The following HS3ST5 variants were observed in gnomAD, a reference collection of about 807,000 sequenced individuals.
The protein encoded by HS3ST5 is heparan sulfate-glucosamine 3-sulfotransferase 5, also known as heparan sulfate glucosamine 3-O-sulfotransferase 5.
Under a neutral mutation model 25.4 loss-of-function variants are expected in HS3ST5, and 10 were observed. That is an observed-to-expected ratio of 0.39 (90% CI 0.24 to 0.67). The LOEUF (loss-of-function observed/expected upper bound fraction) is 0.67, where lower values mean the gene tolerates loss of function less well. Among genes scored for constraint, HS3ST5 ranks in the 30% least tolerant of loss-of-function variants. The pLI is 0.44. For missense variants in HS3ST5, 324 were observed against 420.7 expected, an observed-to-expected ratio of 0.77 and a Z score of 2.01; for synonymous variants, 170 against 162.4, an observed-to-expected ratio of 1.05 and a Z score of -0.36.
At chr6:114,322,188 C>A (rs182363973) in intron 1 of HS3ST5, among the ~76,000 whole-genome samples, 2 of 152,076 alleles carry the variant, frequency 1.3e-5, no homozygotes, top group African/African-American at 2.4e-5. Context: ...GTATTTCCTG[C>A]GCAACTGAAA....
chr6:114,105,799 A>G (rs917246325), intron 3 of HS3ST5, among the ~76,000 whole-genome samples: 1 of 152,202 alleles, frequency 6.6e-6, no homozygotes, highest in African/African-American at 2.4e-5. Context: ...ATAACTGGGC[A>G]TAACTCTTGT....
At chr6:114,153,837 G>A (rs1778572805) in intron 3 of HS3ST5, among the ~76,000 whole-genome samples, 1 of 152,180 alleles carries the variant, frequency 6.6e-6, no homozygotes, top group East Asian at 1.9e-4. Context: ...GCTGGGCATG[G>A]TGAGGCCCAT....
At chr6:114,145,290 T>A (rs1778103054) in intron 3 of HS3ST5, among the ~76,000 whole-genome samples, 1 of 152,198 alleles carries the variant, frequency 6.6e-6, no homozygotes, top group South Asian at 2.1e-4. Context: ...CACCTCACAC[T>A]GAAATTTCAT....
Position 114,167,384 on chromosome 6 carries a change from G to C in HS3ST5, c.-33+967C>G, listed in dbSNP as rs1266479553. 3.3e-5 allele frequency: 5 copies of C among 152,286 alleles called. No individual in the cohort carries two copies. In the South Asian group the frequency reaches 1.0e-3, roughly 32 times the overall value. 9.4% of individuals were successfully genotyped at this position (152,286 alleles called of 1,614,324 possible). A position where few individuals can be genotyped will look rare whatever the true frequency, so the allele number is the denominator to read the frequency against. On this transcript the variant is annotated intron_variant, in intron 3 of 4. Coordinates refer to ENST00000312719, the MANE Select transcript of HS3ST5 (RefSeq NM_153612.4). ...AAGATGGGATATTACTGTAGACACAGTAGTAAGTAGGCAATAATTTTGAGT... is the reference window on the plus strand; with the variant it reads ...AAGATGGGATATTACTGTAGACACACTAGTAAGTAGGCAATAATTTTGAGT...
intron 2 of HS3ST5, among the ~76,000 whole-genome samples, chr6:114,201,634 C>T (rs779177842): frequency 2.6e-5 from 4 of 152,118 alleles, no homozygotes; most frequent in East Asian, 3.9e-4. Flanking sequence ...TTTGCCTAAA[C>T]GTCAGCTTCT....
intron 3 of HS3ST5, among the ~76,000 whole-genome samples, chr6:114,144,148 G>A (rs972782815): frequency 6.6e-6 from 1 of 152,164 alleles, no homozygotes; most frequent in African/African-American, 2.4e-5. Context: ...TGAGCAGACT[G>A]TCACAGAACT....
At position 114,232,299 on chromosome 6, in the gene HS3ST5, T is replaced by C. The variant is rs1295152890; in HGVS notation, c.-338-3521A>G. The stretch of plus-strand genomic sequence containing the variant: ...AGGTCTATGACCAATCATTTGGTGA[T>C]GATTCTCAAATTTTATCTTTAGCTT... On this transcript the variant is annotated intron_variant, in intron 1 of 4. Transcript: ENST00000312719. Among the ~76,000 whole-genome samples, 6 of 152,208 alleles carry C rather than the reference T, an allele frequency of 3.9e-5. No individual in the cohort carries two copies. In the East Asian group the frequency reaches 1.2e-3, roughly 29 times the overall value.
chr6:114,060,459 T>G (rs557278036), intron 4 of HS3ST5, among the ~76,000 whole-genome samples: 2 of 152,336 alleles, frequency 1.3e-5, no homozygotes, highest in African/African-American at 2.4e-5. Context: ...GCAAAGATGC[T>G]TTTAATTGTG....
chr6:114,290,567 A>G (rs991965041), intron 1 of HS3ST5, among the ~76,000 whole-genome samples: 5 of 152,150 alleles, frequency 3.3e-5, no homozygotes, highest in African/African-American at 1.2e-4. Flanking sequence ...AGGTTGTTCA[A>G]TTCAGTCTCC....
chr6:114,288,841 G>C (rs1198256429), intron 1 of HS3ST5, among the ~76,000 whole-genome samples: 1 of 152,052 alleles, frequency 6.6e-6, no homozygotes, highest in South Asian at 2.1e-4. Flanking sequence ...GAGGACCATT[G>C]CCTCATAACC....
At chr6:114,236,175 A>AT (rs547552093) in intron 1 of HS3ST5, among the ~76,000 whole-genome samples, 32 of 151,972 alleles carry the variant, frequency 2.1e-4, no homozygotes, top group Non-Finnish European at 4.3e-4. Context: ...TACTATGGGC[A>AT]TTTTTTTCAG....
At chr6:114,330,756 AC>A (rs1248525199) in intron 1 of HS3ST5, among the ~76,000 whole-genome samples, 2 of 152,060 alleles carry the variant, frequency 1.3e-5, no homozygotes, top group Non-Finnish European at 2.9e-5. Flanking sequence ...CCTCAAGCCT[AC>A]TGTAGGTATC....
At chr6:114,327,660 AT>A (rs79383729) in intron 1 of HS3ST5, among the ~76,000 whole-genome samples, 24,965 of 150,288 alleles carry the variant, frequency 0.17, 2,458 homozygotes, top group Admixed American at 0.23. Context: ...ATGCAACATC[AT>A]TTTTTTTTTC....
At chr6:114,309,937 T>C (rs1374989431) in intron 1 of HS3ST5, among the ~76,000 whole-genome samples, 1 of 152,178 alleles carries the variant, frequency 6.6e-6, no homozygotes, top group Non-Finnish European at 1.5e-5. Context: ...ATAAAGTACA[T>C]CTAAAGAAAA....
intron 1 of HS3ST5, among the ~76,000 whole-genome samples, chr6:114,276,261 G>A (rs1232839427): frequency 6.6e-6 from 1 of 151,796 alleles, no homozygotes; most frequent in Non-Finnish European, 1.5e-5. Context: ...TTGACCTATG[G>A]GGTTCTCAGT....
At chr6:114,063,708 G>A (rs1442646150) in intron 3 of HS3ST5, among the ~76,000 whole-genome samples, 4 of 152,118 alleles carry the variant, frequency 2.6e-5, no homozygotes, top group Non-Finnish European at 5.9e-5. Context: ...GGGTGAAATC[G>A]AAGTGATACT....
chr6:114,250,177 G>T (rs1006250140), intron 1 of HS3ST5, among the ~76,000 whole-genome samples: 1 of 152,154 alleles, frequency 6.6e-6, no homozygotes, highest in Non-Finnish European at 1.5e-5. Flanking sequence ...GAAATGGGAT[G>T]GGAGGAAATT....
intron 1 of HS3ST5, among the ~76,000 whole-genome samples, chr6:114,248,925 G>C (rs988878524): frequency 6.6e-6 from 1 of 152,166 alleles, no homozygotes; most frequent in Non-Finnish European, 1.5e-5. Context: ...CAGTCTGGTA[G>C]CAGACACTTT....
At chr6:114,128,532 C>T (rs905711851) in intron 3 of HS3ST5, among the ~76,000 whole-genome samples, 3 of 152,024 alleles carry the variant, frequency 2.0e-5, no homozygotes, top group Admixed American at 6.6e-5. Flanking sequence ...CTAGTAGAAA[C>T]GATCTCAGAG....
Sources: gnomAD v4.1 joint callset for allele counts (sites outside exome capture counted in the v4.1 genomes callset) on GRCh38, gnomAD v4.1.1 for gene constraint, MANE v1.5 for transcripts, NCBI Gene and HGNC (gene_info 2026-07-23, HGNC 2026-07-21) for gene names.